Variants in LRRC8C observed in about 807,000 individuals in gnomAD.
LRRC8C encodes leucine rich repeat containing 8 VRAC subunit C, also known as volume-regulated anion channel subunit LRRC8C.
In LRRC8C, 20 loss-of-function variants were observed where a neutral mutation model predicts 55.3. That is an observed-to-expected ratio of 0.36 (90% CI 0.25 to 0.53). The LOEUF is 0.53. Ranked by LOEUF, LRRC8C falls within the 20% of genes least tolerant of loss-of-function variation. The probability of loss-of-function intolerance (pLI) is 0.92; values close to 1 mark genes in which losing one functional copy is unlikely to be tolerated. For missense variants in LRRC8C, 659 were observed against 951.4 expected (o/e 0.69, Z 4.04); for synonymous variants, 376 against 360.7 (o/e 1.04, Z -0.48).
At chr1:89,682,970 C>T (rs1407674910) in intron 1 of LRRC8C, among the ~76,000 whole-genome samples, 1 of 152,150 alleles carries the variant, frequency 6.6e-6, no homozygotes, top group African/African-American at 2.4e-5. Context: ...TATATATCCT[C>T]AAAATGAATG....
intron 1 of LRRC8C, chr1:89,668,067 A>G (rs1657320851): frequency 6.6e-6 from 1 of 152,640 alleles, no homozygotes; most frequent in Non-Finnish European, 1.5e-5. Context: ...AAAGATGGTT[A>G]AATACTTAAG....
At chr1:89,709,933 A>T (rs1404364582) in intron 2 of LRRC8C, among the ~76,000 whole-genome samples, 1 of 151,750 alleles carries the variant, frequency 6.6e-6, no homozygotes, top group Non-Finnish European at 1.5e-5. Flanking sequence ...TTGTGTTTTC[A>T]GTAGAGACGG....
the LRRC8C span, among the ~76,000 whole-genome samples, chr1:89,621,952 C>A: frequency 0.52 from 79,492 of 151,970 alleles, 21,999 homozygotes; most frequent in East Asian, 0.74. Flanking sequence ...CTGATGCATA[C>A]CAATTCACCC....
chr1:89,630,052 C>A (rs969710232), upstream of LRRC8C, among the ~76,000 whole-genome samples: 2 of 152,110 alleles, frequency 1.3e-5, no homozygotes, highest in Admixed American at 1.3e-4. Flanking sequence ...CACCTGTAAT[C>A]CCAGCTAGTC....
At chr1:89,626,799 G>A in the LRRC8C span, 1 of 152,008 alleles carries the variant, frequency 6.6e-6, no homozygotes, top group Non-Finnish European at 1.5e-5. Flanking sequence ...CAACATGGAA[G>A]GTCTCTGAAC....
intron 2 of LRRC8C, among the ~76,000 whole-genome samples, chr1:89,711,407 C>T (rs144694979): frequency 1.2e-3 from 185 of 152,364 alleles, no homozygotes; most frequent in African/African-American, 4.1e-3. Flanking sequence ...GTTGCAAAAT[C>T]ACTAACCACT....
intron 1 of LRRC8C, among the ~76,000 whole-genome samples, chr1:89,664,042 A>C (rs1228304554): frequency 1.3e-5 from 2 of 152,126 alleles, no homozygotes; most frequent in African/African-American, 4.8e-5. Flanking sequence ...AGATGAATAG[A>C]TTGCAAAAAA....
chr1:89,657,479 A>C (rs1385739539), intron 1 of LRRC8C, among the ~76,000 whole-genome samples: 1 of 152,154 alleles, frequency 6.6e-6, no homozygotes, highest in Non-Finnish European at 1.5e-5. Context: ...ATGGTGTCTC[A>C]CACCTGTATA....
At chr1:89,630,352 G>C (rs1418214536), upstream of LRRC8C, among the ~76,000 whole-genome samples, 1 of 152,184 alleles carries the variant, frequency 6.6e-6, no homozygotes, top group African/African-American at 2.4e-5. Flanking sequence ...CATAGCTAGA[G>C]ATACAAGATT....
chr1:89,636,122 C>A (rs1656275280), intron 1 of LRRC8C, among the ~76,000 whole-genome samples: 1 of 152,176 alleles, frequency 6.6e-6, no homozygotes, highest in South Asian at 2.1e-4. Context: ...TCTTTGAACC[C>A]TGGTTTCCTC....
intron 1 of LRRC8C, among the ~76,000 whole-genome samples, chr1:89,647,975 G>GGGAGGATGGCTTGAGCCC (rs1553164280): frequency 6.6e-6 from 1 of 152,144 alleles, no homozygotes; most frequent in Non-Finnish European, 1.5e-5. Context: ...AGGCTGAGGC[G>GGGAGGATGGCTTGAGCCC]GGAGGATGGC....
At chr1:89,626,667 G>T in the LRRC8C span, 3 of 152,118 alleles carry the variant, frequency 2.0e-5, no homozygotes, top group Non-Finnish European at 4.4e-5. Flanking sequence ...GCCAGATGAA[G>T]AGATATATAG....
In LRRC8C at chr1:89,713,887, T is replaced by C; in HGVS notation, c.1317T>C (p.Thr439=). ...PLIMLSGLPD[T]VFEITELQSL... is the part of the protein sequence containing the mutation. ...TCATGCTCTCTGGCCTTCCAGACAC[T>C]GTTTTTGAAATCACAGAGTTGCAAT... is the stretch of plus-strand genomic sequence containing the variant. Residue 439 remains threonine (T), a synonymous_variant, in exon 3 of 3, where the codon ACT becomes ACC. Transcript: ENST00000370454. The surrounding 1 kb of genome is among the most constrained non-coding windows in gnomAD (Gnocchi z 5.2). 6.2e-7 allele frequency: 1 copy of C among 1,614,158 alleles called. No homozygotes were observed. Among genetic ancestry groups the C allele is most frequent in the South Asian group, 1.1e-5 (1 of 91,082 alleles).
the LRRC8C span, among the ~76,000 whole-genome samples, chr1:89,616,044 C>A: frequency 6.6e-6 from 1 of 152,072 alleles, no homozygotes; most frequent in East Asian, 1.9e-4. Context: ...GGTGAGACAC[C>A]ATCCTAAGCT....
chr1:89,632,327 C>A (rs971802705), upstream of LRRC8C: 1 of 152,276 alleles, frequency 6.6e-6, no homozygotes, highest in African/African-American at 2.4e-5. Context: ...ACCGTCAACT[C>A]CTTTATGCGG....
chr1:89,676,724 G>T (rs929222116), intron 1 of LRRC8C, among the ~76,000 whole-genome samples: 1 of 152,172 alleles, frequency 6.6e-6, no homozygotes, highest in Non-Finnish European at 1.5e-5. Flanking sequence ...TAAAAATACT[G>T]TAACAACGTC....
the LRRC8C span, among the ~76,000 whole-genome samples, chr1:89,626,057 A>T: frequency 6.6e-6 from 1 of 152,234 alleles, no homozygotes; most frequent in Non-Finnish European, 1.5e-5. Context: ...TCATGGGTAC[A>T]GCCAGTCATT....
At chr1:89,699,238 G>A (rs910038794) in intron 2 of LRRC8C, among the ~76,000 whole-genome samples, 2 of 152,070 alleles carry the variant, frequency 1.3e-5, no homozygotes, top group African/African-American at 4.8e-5. Flanking sequence ...GGAGGGGAGG[G>A]ATAAGTAGGT....
At chr1:89,684,028 G>A (rs997414028) in intron 1 of LRRC8C, among the ~76,000 whole-genome samples, 1 of 151,792 alleles carries the variant, frequency 6.6e-6, no homozygotes, top group African/African-American at 2.4e-5. Flanking sequence ...TGGAAAATAT[G>A]GTTATTTTTC....
Sources: gnomAD v4.1 joint callset for allele counts (sites outside exome capture counted in the v4.1 genomes callset) on GRCh38, gnomAD v4.1.1 for gene constraint, Gnocchi (gnomAD v3.1) non-coding constraint, MANE v1.5 for transcripts, NCBI Gene and HGNC (gene_info 2026-07-23, HGNC 2026-07-21) for gene names.